The following CXADR variants were observed in gnomAD, a reference collection of about 807,000 sequenced individuals.
CXADR encodes the protein coxsackievirus and adenovirus receptor.
Under a neutral mutation model 40.3 loss-of-function variants are expected in CXADR, and 20 were observed. The ratio of observed to expected loss-of-function variants is 0.50; its 90% CI spans 0.35 to 0.72. The LOEUF (loss-of-function observed/expected upper bound fraction) is 0.72, where lower values mean the gene tolerates loss of function less well. Among genes scored for constraint, CXADR ranks in the 30% least tolerant of loss-of-function variants. The pLI is 0.01. For missense variants in CXADR, 332 were observed against 449.1 expected (o/e 0.74, Z 2.36); for synonymous variants, 150 against 161.3 (o/e 0.93, Z 0.53).
the CXADR span, among the ~76,000 whole-genome samples, chr21:17,614,463 G>T: frequency 3.9e-5 from 6 of 152,268 alleles, no homozygotes; most frequent in East Asian, 9.6e-4. Context: ...AAATTCTCAG[G>T]CTGGGCACTG....
chr21:17,514,184 T>C (rs545407353), intron 1 of CXADR, among the ~76,000 whole-genome samples: 9 of 152,266 alleles, frequency 5.9e-5, no homozygotes, highest in Non-Finnish European at 1.0e-4. Flanking sequence ...GAGGCGCACT[T>C]AGTATAGCCT....
In CXADR at chr21:17,575,634, G is replaced by A. The variant is rs1054464550; in HGVS notation, c.1017+10023G>A. Among the ~76,000 whole-genome samples, 6 of 151,840 alleles carry A rather than the reference G, an allele frequency of 4.0e-5. No homozygotes were observed. In the South Asian group the frequency reaches 8.3e-4, roughly 21 times the overall value. ...GCCTCTCAAGTAGCTGGGACTACAG[G>A]TGTCCACTACCAAGCCCAGCTAATT... On this transcript the variant is annotated intron_variant, in intron 7 of 7. Transcript: ENST00000400169.
At chr21:17,625,010 A>T in the CXADR span, among the ~76,000 whole-genome samples, 1 of 152,098 alleles carries the variant, frequency 6.6e-6, no homozygotes, top group African/African-American at 2.4e-5. Context: ...ATATTTGTGT[A>T]TCTATTATAT....
chr21:17,630,403 C>T, the CXADR span, among the ~76,000 whole-genome samples: 41 of 152,278 alleles, frequency 2.7e-4, no homozygotes, highest in East Asian at 7.9e-3. Context: ...CTACATACTT[C>T]AAGATGCATC....
intron 1 of CXADR, among the ~76,000 whole-genome samples, chr21:17,532,941 A>AACTTTAG (rs2060696610): frequency 6.6e-6 from 1 of 152,188 alleles, no homozygotes; most frequent in Non-Finnish European, 1.5e-5. Context: ...ACCCAGATCT[A>AACTTTAG]ACTTTAGAAC....
At chr21:17,620,624 G>A in the CXADR span, among the ~76,000 whole-genome samples, 1 of 151,930 alleles carries the variant, frequency 6.6e-6, no homozygotes, top group South Asian at 2.1e-4. Context: ...TCTTCAATTT[G>A]TAAAAAAACA....
In CXADR at chr21:17,558,118, T is replaced by C. The variant is rs115217900; in HGVS notation, c.416-858T>C. On this transcript the variant is annotated intron_variant, in intron 3 of 6. Transcript: ENST00000284878. ...TTAATTAAATATTCTTTTTTACACA[T>C]GAATTTCCAGGCTGTGAATATCTTT... 5.5e-3 allele frequency among the ~76,000 whole-genome samples: 837 copies of C among 151,604 alleles called. 11 individuals are homozygous for C. The highest frequency in any genetic ancestry group is 0.019 in the African/African-American group (799 of 41,272).
At chr21:17,545,971 G>T (rs975756796) in intron 1 of CXADR, among the ~76,000 whole-genome samples, 3 of 152,010 alleles carry the variant, frequency 2.0e-5, no homozygotes, top group Admixed American at 6.6e-5. Context: ...TAGAGATGGG[G>T]TTTCACCATG....
At chr21:17,563,959 A>AAAAAAAAAAAAAAAAAAAAAG in intron 6 of CXADR, among the ~76,000 whole-genome samples, 1 of 149,326 alleles carries the variant, frequency 6.7e-6, no homozygotes, top group Non-Finnish European at 1.5e-5. Flanking sequence ...AAAAAAAAAA[A>AAAAAAAAAAAAAAAAAAAAAG]AAGGTATTGA....
At chr21:17,535,379 G>A (rs552468829) in intron 1 of CXADR, among the ~76,000 whole-genome samples, 74 of 151,664 alleles carry the variant, frequency 4.9e-4, no homozygotes, top group African/African-American at 1.7e-3. Context: ...TTATTTTTTT[G>A]TAGGTATGAA....
At chr21:17,592,720 T>C (rs1439340245) in intron 7 of CXADR, among the ~76,000 whole-genome samples, 4 of 151,840 alleles carry the variant, frequency 2.6e-5, no homozygotes, top group Non-Finnish European at 5.9e-5. Flanking sequence ...AACATGCTCA[T>C]GTTTGAATAG....
intron 1 of CXADR, among the ~76,000 whole-genome samples, chr21:17,534,019 T>TATATATAGCTATATATCTATATATACAC (rs1356079376): frequency 1.2e-5 from 1 of 81,400 alleles, no homozygotes; most frequent in African/African-American, 3.5e-5. Flanking sequence ...TATATATATA[T>TATATATAGCTATATATCTATATATACAC]ATATATATAG....
chr21:17,544,546 G>T (rs1185332477), intron 1 of CXADR, among the ~76,000 whole-genome samples: 1 of 152,092 alleles, frequency 6.6e-6, no homozygotes, highest in Non-Finnish European at 1.5e-5. Flanking sequence ...TCTAGACTAG[G>T]GCTGAGTGTT....
At chr21:17,539,303 G>A (rs2060798137) in intron 1 of CXADR, among the ~76,000 whole-genome samples, 4 of 152,144 alleles carry the variant, frequency 2.6e-5, no homozygotes, top group Admixed American at 2.6e-4. Context: ...ATATTTTCTT[G>A]TGTTATTAGA....
chr21:17,634,483 T>TA, the CXADR span, among the ~76,000 whole-genome samples: 1 of 152,190 alleles, frequency 6.6e-6, no homozygotes, highest in Non-Finnish European at 1.5e-5. Flanking sequence ...TATCAGAACT[T>TA]ACAAAAATAT....
rs747349864 is a variant in CXADR, at chr21:17,552,344, A to C, written c.415+391A>C. Among the ~76,000 whole-genome samples, 7 of 152,288 alleles carry C rather than the reference A, an allele frequency of 4.6e-5. No homozygotes were observed. In the South Asian group the frequency reaches 6.2e-4, roughly 14 times the overall value. ...TTAGAATGGAGATGAAGAAATATGG[A>C]AGAAGGAATATTGAATTCAAGTAAG... is the stretch of plus-strand genomic sequence containing the variant. On this transcript the variant is annotated intron_variant, in intron 3 of 6. Transcript: ENST00000284878.
chr21:17,588,530 C>G (rs2061413470), intron 7 of CXADR, among the ~76,000 whole-genome samples: 1 of 152,068 alleles, frequency 6.6e-6, no homozygotes, highest in South Asian at 2.1e-4. Context: ...ATTTGGCTCT[C>G]TGTTTGTCTG....
chr21:17,513,261 AG>A (rs1222998512), intron 1 of CXADR, 89 bp downstream of exon 1: 4 of 1,181,272 alleles, frequency 3.4e-6, no homozygotes, highest in East Asian at 3.3e-5. Flanking sequence ...GGCGTGGGGG[AG>A]GGGGCGGGCG....
downstream of CXADR, among the ~76,000 whole-genome samples, chr21:17,573,375 A>G (rs2061294946): frequency 6.6e-6 from 1 of 152,186 alleles, no homozygotes; most frequent in Non-Finnish European, 1.5e-5. Context: ...AGTAATGATG[A>G]CTGCACATTA....
Sources: allele counts gnomAD v4.1 joint callset (sites outside exome capture counted in the v4.1 genomes callset), GRCh38; gene constraint gnomAD v4.1.1; transcripts MANE v1.5; gene names NCBI Gene and HGNC (gene_info 2026-07-23, HGNC 2026-07-21).